The following TMEM238L variants were observed in gnomAD, a reference collection of about 807,000 sequenced individuals.
TMEM238L encodes transmembrane protein 238 like.
intron 1 of TMEM238L, among the ~76,000 whole-genome samples, chr17:10,797,147 G>T (rs539800693): frequency 6.6e-6 from 1 of 152,100 alleles, no homozygotes; most frequent in Non-Finnish European, 1.5e-5. Flanking sequence ...AATCTGGCTC[G>T]ATCACTGCCT....
chr17:10,798,257 CTG>C (rs1267125918), intron 1 of TMEM238L, among the ~76,000 whole-genome samples: 1 of 152,150 alleles, frequency 6.6e-6, no homozygotes, highest in Non-Finnish European at 1.5e-5. Flanking sequence ...CCTGGCAAGA[CTG>C]TGCTTATCTC....
intron 1 of TMEM238L, among the ~76,000 whole-genome samples, 176 bp downstream of exon 1, chr17:10,803,430 T>C (rs970506993): frequency 1.3e-5 from 2 of 152,144 alleles, no homozygotes; most frequent in Non-Finnish European, 2.9e-5. Context: ...AGAAAACACC[T>C]GCCCCACGTC....
At chr17:10,801,119 C>G (rs1367567602) in intron 1 of TMEM238L, among the ~76,000 whole-genome samples, 1 of 151,344 alleles carries the variant, frequency 6.6e-6, no homozygotes, top group East Asian at 1.9e-4. Flanking sequence ...GGTGCGATCT[C>G]GGCTCACTGC....
At chr17:10,796,011 CTG>C (rs1170538397) in intron 1 of TMEM238L, 63 bp from the exon 2 acceptor site, 1 of 152,186 alleles carries the variant, frequency 6.6e-6, no homozygotes, top group Admixed American at 6.5e-5. Flanking sequence ...AATTTCAAGC[CTG>C]TGTGTGGTGA....
At chr17:10,802,970 G>A (rs1291582904) in intron 1 of TMEM238L, among the ~76,000 whole-genome samples, 1 of 152,186 alleles carries the variant, frequency 6.6e-6, no homozygotes, top group Non-Finnish European at 1.5e-5. Context: ...GGGCACATGT[G>A]TTGGCTGCGT....
At chr17:10,795,552 A>G (rs1904515000) in exon 2 of TMEM238L, 1 of 152,258 alleles carries the variant, frequency 6.6e-6, no homozygotes. Flanking sequence ...CCTGCTTGAT[A>G]TGTGCTCGCA....
rs539817602 is a variant in TMEM238L at position 10,801,583 on chromosome 17, A to G, written c.*118+2023T>C. ...TTCCTTTGGCATTCAGCATAATATCACCTCCTCCAGGAAGCTTTCCCTGAC... is the reference window on the plus strand; with the variant it reads ...TTCCTTTGGCATTCAGCATAATATCGCCTCCTCCAGGAAGCTTTCCCTGAC... On this transcript the variant is annotated intron_variant, in intron 1 of 1. Coordinates refer to ENST00000581851, the Ensembl canonical transcript of TMEM238L. 3.3e-5 allele frequency among the ~76,000 whole-genome samples: 5 copies of G among 151,784 alleles called. No individual in the cohort carries two copies. The East Asian group carries it at 9.7e-4, about 29-fold the overall frequency.
At chr17:10,800,427 T>C (rs1904702475) in intron 1 of TMEM238L, among the ~76,000 whole-genome samples, 1 of 152,180 alleles carries the variant, frequency 6.6e-6, no homozygotes. Flanking sequence ...AAAGAACATA[T>C]TAAAACTTCT....
chr17:10,801,054 T>G (rs1307526827), intron 1 of TMEM238L, among the ~76,000 whole-genome samples: 1 of 98,470 alleles, frequency 1.0e-5, no homozygotes, highest in Admixed American at 1.0e-4. Context: ...CTTTTTACTG[T>G]TTTTTTTTTT....
intron 1 of TMEM238L, among the ~76,000 whole-genome samples, chr17:10,801,712 A>C (rs751529450): frequency 4.6e-5 from 7 of 151,588 alleles, no homozygotes; most frequent in African/African-American, 1.5e-4. Flanking sequence ...GTAAGTGTGA[A>C]TCTTTGGTGA....
chr17:10,802,049 C>T (rs1597579306), intron 1 of TMEM238L, among the ~76,000 whole-genome samples: 2 of 152,178 alleles, frequency 1.3e-5, no homozygotes, highest in Admixed American at 6.5e-5. Context: ...TCCCAAAGTG[C>T]TGGGATTACA....
At chr17:10,800,175 G>A (rs995021526) in intron 1 of TMEM238L, among the ~76,000 whole-genome samples, 6 of 151,892 alleles carry the variant, frequency 4.0e-5, no homozygotes, top group African/African-American at 7.3e-5. Flanking sequence ...CTCGTGATCC[G>A]CCCGCCTCAG....
intron 1 of TMEM238L, among the ~76,000 whole-genome samples, chr17:10,801,024 T>C (rs1567609932): frequency 6.6e-6 from 1 of 151,994 alleles, no homozygotes; most frequent in Non-Finnish European, 1.5e-5. Flanking sequence ...TGCCTCTGCT[T>C]ATATCTCTTC....
intron 1 of TMEM238L, chr17:10,797,820 T>G (rs1210968610): frequency 6.6e-6 from 1 of 152,224 alleles, no homozygotes; most frequent in African/African-American, 2.4e-5. Flanking sequence ...CCACCTGAGC[T>G]TGCTGAATGG....
chr17:10,802,139 T>G (rs937775609), intron 1 of TMEM238L, among the ~76,000 whole-genome samples: 1 of 152,152 alleles, frequency 6.6e-6, no homozygotes, highest in Non-Finnish European at 1.5e-5. Context: ...CATTCCAACA[T>G]ACCAGCACAC....
chr17:10,802,227 C>T (rs1002501877), intron 1 of TMEM238L, among the ~76,000 whole-genome samples: 4 of 152,184 alleles, frequency 2.6e-5, no homozygotes, highest in Non-Finnish European at 5.9e-5. Flanking sequence ...ATTTGAGAGA[C>T]ACCAAGGTAC....
chr17:10,797,665 C>G (rs368951424), intron 1 of TMEM238L: 1 of 152,152 alleles, frequency 6.6e-6, no homozygotes, highest in Non-Finnish European at 1.5e-5. Context: ...TCATTCCATG[C>G]CCCAGGGGCG....
At chr17:10,796,532 A>C (rs1904551772) in intron 1 of TMEM238L, among the ~76,000 whole-genome samples, 1 of 151,790 alleles carries the variant, frequency 6.6e-6, no homozygotes, top group Non-Finnish European at 1.5e-5. Context: ...ATCTGCACTC[A>C]CTCCTCACCC....
exon 1 of TMEM238L, chr17:10,804,008 A>G: frequency 5.0e-6 from 2 of 399,934 alleles, no homozygotes; most frequent in Non-Finnish European, 4.4e-6. Context: ...CCCGGGGGTG[A>G]TTTGCATGGG....
Sources: allele counts gnomAD v4.1 joint callset (sites outside exome capture counted in the v4.1 genomes callset), GRCh38; gene constraint gnomAD v4.1.1; transcripts MANE v1.5; gene names NCBI Gene and HGNC (gene_info 2026-07-23, HGNC 2026-07-21).